TRIM9: variants seen among roughly 807,000 people sequenced by gnomAD.
TRIM9 encodes E3 ubiquitin-protein ligase TRIM9.
In TRIM9, 26 loss-of-function variants were observed where a neutral mutation model predicts 78.3. That is an observed-to-expected ratio of 0.33 (90% CI 0.24 to 0.46). The LOEUF (loss-of-function observed/expected upper bound fraction) is 0.46. Among genes scored for constraint, TRIM9 ranks in the 20% least tolerant of loss-of-function variants. TRIM9 has a pLI of 1.00. For synonymous variants in TRIM9, 398 were observed against 416.5 expected, an observed-to-expected ratio of 0.96 and a Z score of 0.54; for missense variants, 787 against 1,036.4, an observed-to-expected ratio of 0.76 and a Z score of 3.30.
chr14:51,087,050 T>C (rs1424117877), intron 1 of TRIM9, among the ~76,000 whole-genome samples: 1 of 151,906 alleles, frequency 6.6e-6, no homozygotes, highest in Non-Finnish European at 1.5e-5. Context: ...CTGGTGCAGG[T>C]GTAACTCTGG....
intron 1 of TRIM9, among the ~76,000 whole-genome samples, chr14:51,069,850 GA>G (rs1331233479): frequency 1.3e-5 from 2 of 152,134 alleles, no homozygotes; most frequent in Non-Finnish European, 2.9e-5. Flanking sequence ...TCTCAAGGTG[GA>G]AAAATACAGT....
intron 9 of TRIM9, 87 bp from the exon 10 acceptor site, chr14:50,983,052 CTAGT>C: frequency 1.5e-6 from 2 of 1,296,454 alleles, no homozygotes; most frequent in Non-Finnish European, 2.2e-6. Flanking sequence ...TCTTGATAGA[CTAGT>C]ACCCCAAAAG....
chr14:51,010,827 C>T (rs1479575410), intron 3 of TRIM9, among the ~76,000 whole-genome samples: 6 of 152,154 alleles, frequency 3.9e-5, no homozygotes, highest in South Asian at 2.1e-4. Flanking sequence ...CTCTGCTGAG[C>T]GATGTTTGCT....
intron 7 of TRIM9, among the ~76,000 whole-genome samples, chr14:50,995,363 C>G (rs2054068265): frequency 6.6e-6 from 1 of 152,092 alleles, no homozygotes; most frequent in African/African-American, 2.4e-5. Context: ...AACTCCAGGA[C>G]AGTAGGGATA....
chr14:51,047,389 TGA>T (rs1356584218), intron 1 of TRIM9, among the ~76,000 whole-genome samples: 1 of 151,990 alleles, frequency 6.6e-6, no homozygotes, highest in Non-Finnish European at 1.5e-5. Flanking sequence ...TGGAGCTCCT[TGA>T]GGATAAGGAC....
intron 1 of TRIM9, among the ~76,000 whole-genome samples, chr14:51,081,970 G>A (rs1183414554): frequency 6.6e-6 from 1 of 152,158 alleles, no homozygotes; most frequent in East Asian, 1.9e-4. Flanking sequence ...CACCCTCCCT[G>A]CCCTGGGGGT....
Position 50,986,264 on chromosome 14 carries a change from G to A in TRIM9, c.1604-120C>T, listed in dbSNP as rs2052695250. The A allele has an allele frequency of 4.5e-6, 4 of 892,858 alleles. No individual in the cohort carries two copies. In the South Asian group the frequency reaches 1.9e-4, roughly 42 times the overall value. The allele number at this position is 892,858 out of a possible 1,614,324, so 55.3% of individuals were successfully genotyped here. A position where few individuals can be genotyped will look rare whatever the true frequency, so the allele number is the denominator to read the frequency against. ...CAAAGCCTCATCTTTCCCACAGGGT[G>A]CCACACTCAGGCATTTACAAAACCA... On this transcript the variant is annotated intron_variant, in intron 7 of 12. Coordinates refer to ENST00000684578, the MANE Select transcript of TRIM9 (RefSeq NM_001387360.1).
chr14:51,044,728 G>C (rs1347339772), intron 1 of TRIM9, among the ~76,000 whole-genome samples: 1 of 152,186 alleles, frequency 6.6e-6, no homozygotes, highest in Admixed American at 6.5e-5. Context: ...AATAAATCAT[G>C]AGTTTAAGCC....
rs868395664 is a variant in TRIM9 at position 51,079,155 on chromosome 14, A to G, written c.822+14963T>C. 3.3e-5 allele frequency among the ~76,000 whole-genome samples: 5 copies of G among 152,230 alleles called. No homozygotes were observed. The South Asian group carries it at 1.0e-3, about 32-fold the overall frequency. ...ATCCAAAAGCCTTCATAATATGCAA[A>G]TTAAATAATGTGAATGGAAAATTGA... On this transcript the variant is annotated intron_variant, in intron 1 of 12. Transcript: ENST00000684578.
At position 51,023,815 on chromosome 14, in the gene TRIM9, G is replaced by A. The variant is rs1372688698; in HGVS notation, c.919-858C>T. On this transcript the variant is annotated intron_variant, in intron 2 of 12. Coordinates refer to ENST00000684578, the MANE Select transcript of TRIM9 (RefSeq NM_001387360.1). ...ACGAAAGCTAAATACTCACATATACGTTAGTAATACTTAAAAAACACCACC... is the reference window on the plus strand; with the variant it reads ...ACGAAAGCTAAATACTCACATATACATTAGTAATACTTAAAAAACACCACC... 5.9e-5 allele frequency among the ~76,000 whole-genome samples: 9 copies of A among 152,206 alleles called. No homozygotes were observed. The South Asian group carries it at 6.2e-4, about 11-fold the overall frequency.
chr14:50,978,450 C>T (rs2051350333), intron 12 of TRIM9, among the ~76,000 whole-genome samples: 1 of 152,180 alleles, frequency 6.6e-6, no homozygotes, highest in Admixed American at 6.5e-5. Context: ...CTCCACCATT[C>T]CTTGCCCATG....
chr14:51,030,370 G>T (rs1021123090), intron 1 of TRIM9, among the ~76,000 whole-genome samples: 27 of 152,170 alleles, frequency 1.8e-4, no homozygotes, highest in East Asian at 1.2e-3. Flanking sequence ...CTCTGGTGCT[G>T]GAAGATCCTG....
At chr14:51,015,141 G>A (rs966555683) in intron 3 of TRIM9, among the ~76,000 whole-genome samples, 2 of 152,180 alleles carry the variant, frequency 1.3e-5, no homozygotes, top group African/African-American at 2.4e-5. Flanking sequence ...CTTGGGTCAG[G>A]ATATGACACT....
At chr14:50,985,472 C>T (rs762331894) in intron 8 of TRIM9, among the ~76,000 whole-genome samples, 12 of 152,166 alleles carry the variant, frequency 7.9e-5, no homozygotes, top group Non-Finnish European at 1.3e-4. Context: ...TGTGTTTTTA[C>T]TTTTATTGTA....
intron 1 of TRIM9, among the ~76,000 whole-genome samples, chr14:51,044,469 A>G (rs563021295): frequency 1.3e-5 from 2 of 152,208 alleles, no homozygotes; most frequent in Non-Finnish European, 2.9e-5. Context: ...AAAGTCCTTT[A>G]AAGGGAACTG....
chr14:51,031,029 C>G (rs1044811184), intron 1 of TRIM9, among the ~76,000 whole-genome samples: 1 of 151,352 alleles, frequency 6.6e-6, no homozygotes, highest in Non-Finnish European at 1.5e-5. Flanking sequence ...GCGCCTGTAA[C>G]TCCAGCTATT....
chr14:51,010,300 G>A (rs1185547350), intron 4 of TRIM9, 84 bp downstream of exon 4: 2 of 1,070,272 alleles, frequency 1.9e-6, no homozygotes, highest in East Asian at 2.4e-5. Flanking sequence ...GCCCACCCAG[G>A]GCTGTTGGAA....
chr14:51,072,072 T>C (rs981807386), intron 1 of TRIM9, among the ~76,000 whole-genome samples: 5 of 152,174 alleles, frequency 3.3e-5, no homozygotes, highest in Non-Finnish European at 7.4e-5. Flanking sequence ...CTGCCCATGC[T>C]GTGTGCAGCA....
intron 1 of TRIM9, among the ~76,000 whole-genome samples, chr14:51,040,413 A>T (rs2059491227): frequency 6.6e-6 from 1 of 152,114 alleles, no homozygotes; most frequent in Non-Finnish European, 1.5e-5. Context: ...AGCACCCGAC[A>T]TCTAGTCCCA....
Sources: allele counts gnomAD v4.1 joint callset (sites outside exome capture counted in the v4.1 genomes callset), GRCh38; gene constraint gnomAD v4.1.1; transcripts MANE v1.5; gene names NCBI Gene and HGNC (gene_info 2026-07-23, HGNC 2026-07-21).